The following HM13 variants were observed in gnomAD, a reference collection of about 807,000 sequenced individuals.
HM13 encodes histocompatibility minor 13.
In HM13, 18 loss-of-function variants were observed where a neutral mutation model predicts 50.0. The ratio of observed to expected loss-of-function variants is 0.36; its 90% CI spans 0.25 to 0.53. HM13 has a LOEUF of 0.53. Among genes scored for constraint, HM13 ranks in the 20% least tolerant of loss-of-function variants. The pLI is 0.90. For synonymous variants in HM13, 197 were observed against 232.6 expected (o/e 0.85, Z 1.39); for missense variants, 393 against 552.4 (o/e 0.71, Z 2.89).
intron 1 of HM13, among the ~76,000 whole-genome samples, chr20:31,526,437 G>A (rs994427783): frequency 1.3e-5 from 2 of 152,144 alleles, no homozygotes; most frequent in South Asian, 2.1e-4. Flanking sequence ...GATTACAGGC[G>A]TGAGCCACTG....
At chr20:31,551,198 A>G (rs927636219) in intron 7 of HM13, among the ~76,000 whole-genome samples, 1 of 152,150 alleles carries the variant, frequency 6.6e-6, no homozygotes, top group Admixed American at 6.5e-5. Context: ...GTCTTTAAAC[A>G]AGGGGGAAAT....
intron 3 of HM13, among the ~76,000 whole-genome samples, chr20:31,543,786 T>A (rs946087343): frequency 1.1e-4 from 16 of 151,590 alleles, no homozygotes; most frequent in Non-Finnish European, 1.2e-4. Flanking sequence ...AAAAAAAAAT[T>A]AGTCGGGCAT....
rs60459866 is a variant in HM13, at chr20:31,554,377, C to CAA, written c.725-356_725-355dup. 7.1e-3 allele frequency among the ~76,000 whole-genome samples: 978 copies of CAA among 137,642 alleles called. 9 individuals are homozygous for CAA. The highest frequency in any genetic ancestry group is 0.02 in the African/African-American group (782 of 38,660). The allele number at this position is 137,642 out of a possible 152,430, so 90.3% of individuals were successfully genotyped here. On this transcript the variant is annotated intron_variant, in intron 7 of 12. Transcript: ENST00000398174. The stretch of plus-strand genomic sequence containing the variant: ...CTGGGCAATAGAGCAAGCCCCGTCT[C>CAA]AAAAAAAAAAAAAATACAAAGTAGG...
chr20:31,567,930 C>T, intron 11 of HM13, 148 bp from the exon 12 acceptor site: 1 of 676,080 alleles, frequency 1.5e-6, no homozygotes, highest in Non-Finnish European at 2.4e-6. Flanking sequence ...CAAATAATAT[C>T]AGCTTCTTTC....
intron 1 of HM13, among the ~76,000 whole-genome samples, chr20:31,518,140 A>G (rs1033747590): frequency 8.6e-5 from 13 of 151,444 alleles, no homozygotes; most frequent in African/African-American, 3.1e-4. Flanking sequence ...GGTTCAAGCA[A>G]TTCTCCTGCC....
Position 31,538,538 on chromosome 20 carries a change from G to T in HM13, c.365+277G>T, listed in dbSNP as rs946435354. On this transcript the variant is annotated intron_variant, in intron 3 of 12. Coordinates refer to ENST00000398174, the MANE Select transcript of HM13 (RefSeq NM_178581.3). ...ATTTGTGAGCAGTAATGTCATGTTAGTTGTGACAGTACTCAGGTGAGTAAC... is the reference window on the plus strand; with the variant it reads ...ATTTGTGAGCAGTAATGTCATGTTATTTGTGACAGTACTCAGGTGAGTAAC... 1.8e-5 allele frequency: 25 copies of T among 1,384,188 alleles called. No individual in the cohort carries two copies. The African/African-American group carries it at 3.3e-4, about 18-fold the overall frequency. 85.7% of individuals were successfully genotyped at this position (1,384,188 alleles called of 1,614,324 possible).
intron 2 of HM13, among the ~76,000 whole-genome samples, chr20:31,528,718 C>T (rs1982639776): frequency 6.6e-6 from 1 of 152,204 alleles, no homozygotes; most frequent in South Asian, 2.1e-4. Context: ...ACCTCATGAT[C>T]CACCCGCCTT....
At chr20:31,555,932 T>C (rs2084587241) in intron 8 of HM13, among the ~76,000 whole-genome samples, 1 of 151,626 alleles carries the variant, frequency 6.6e-6, no homozygotes, top group Non-Finnish European at 1.5e-5. Flanking sequence ...ATTGTGCCAC[T>C]GCACTTCAGC....
At chr20:31,548,672 T>TA in intron 4 of HM13, 1 of 324,958 alleles carries the variant, frequency 3.1e-6, no homozygotes, top group South Asian at 3.6e-5. Flanking sequence ...ATCCCCTTTT[T>TA]ACAGATAAGA....
At chr20:31,520,377 C>T (rs530074376) in intron 1 of HM13, among the ~76,000 whole-genome samples, 22 of 152,220 alleles carry the variant, frequency 1.4e-4, no homozygotes, top group African/African-American at 5.1e-4. Context: ...GATCTTGGCT[C>T]ACTGCAACCT....
chr20:31,566,126 C>T (rs1600673300), intron 10 of HM13, 84 bp from the exon 11 acceptor site: 4 of 992,042 alleles, frequency 4.0e-6, no homozygotes, highest in African/African-American at 3.3e-5. Flanking sequence ...TTCAGTCCAG[C>T]CCAGAAGGGG....
chr20:31,564,234 G>A (rs1984768963), intron 10 of HM13, among the ~76,000 whole-genome samples: 1 of 152,104 alleles, frequency 6.6e-6, no homozygotes. Flanking sequence ...CAAGACAGCT[G>A]TGGGCCCGCC....
intron 2 of HM13, chr20:31,527,828 T>G (rs200458946): frequency 2.2e-6 from 1 of 460,786 alleles, no homozygotes; most frequent in African/African-American, 2.3e-5. Context: ...CAGTTTGGTT[T>G]CATTGTACTG....
rs545523098 is a variant in HM13 at position 31,535,112 on chromosome 20, G to A, written c.283-3067G>A. 3.3e-5 allele frequency among the ~76,000 whole-genome samples: 5 copies of A among 151,762 alleles called. No homozygotes were observed. The South Asian group carries it at 6.2e-4, about 19-fold the overall frequency. On this transcript the variant is annotated intron_variant, in intron 2 of 12. Transcript: ENST00000398174. ...AAAAAAAAAAAAGAAGAAGAGGAGG[G>A]CCAGAAGGAGAACCTGGGCAGAATG...
At chr20:31,565,405 G>A (rs1183807391) in intron 10 of HM13, among the ~76,000 whole-genome samples, 1 of 151,162 alleles carries the variant, frequency 6.6e-6, no homozygotes, top group Non-Finnish European at 1.5e-5. Flanking sequence ...CTTGAACCCT[G>A]GAGGCGGAGG....
chr20:31,552,095 A>C (rs1480145627), intron 7 of HM13, among the ~76,000 whole-genome samples: 1 of 151,918 alleles, frequency 6.6e-6, no homozygotes, highest in African/African-American at 2.4e-5. Flanking sequence ...TCTCCAGAGC[A>C]AGGGAACAGA....
intron 10 of HM13, among the ~76,000 whole-genome samples, chr20:31,561,989 A>AG (rs1984643487): frequency 6.6e-6 from 1 of 152,252 alleles, no homozygotes; most frequent in African/African-American, 2.4e-5. Context: ...TTCATCAGGA[A>AG]GGCAGGAACT....
intron 8 of HM13, among the ~76,000 whole-genome samples, chr20:31,557,085 C>T (rs1013212226): frequency 6.6e-6 from 1 of 151,922 alleles, no homozygotes; most frequent in East Asian, 1.9e-4. Context: ...TCCCAGCAGT[C>T]CAGTGAGATA....
chr20:31,541,056 G>A (rs2122598944), intron 3 of HM13: 1 of 151,940 alleles, frequency 6.6e-6, no homozygotes, highest in South Asian at 2.1e-4. Context: ...ATTATCAACA[G>A]AAAATAAAAC....
Sources: gnomAD v4.1 joint callset for allele counts (sites outside exome capture counted in the v4.1 genomes callset) on GRCh38, gnomAD v4.1.1 for gene constraint, MANE v1.5 for transcripts, NCBI Gene and HGNC (gene_info 2026-07-23, HGNC 2026-07-21) for gene names.